Variants in RIMS2 observed in about 807,000 individuals in gnomAD.
RIMS2 encodes the protein regulating synaptic membrane exocytosis 2.
RIMS2 carries 59 observed loss-of-function variants against 174.4 expected under a neutral mutation model. The ratio of observed to expected loss-of-function variants is 0.34; its 90% CI spans 0.27 to 0.42. The LOEUF (loss-of-function observed/expected upper bound fraction) is 0.42. RIMS2 is among the 10% of genes least tolerant of loss of function. The pLI is 1.00. For synonymous variants in RIMS2, 606 were observed against 572.5 expected, an observed-to-expected ratio of 1.06 and a Z score of -0.84; for missense variants, 1,620 against 1,666.3, an observed-to-expected ratio of 0.97 and a Z score of 0.48.
chr8:104,141,197 CAG>C (rs1271346373), intron 19 of RIMS2, among the ~76,000 whole-genome samples: 2 of 152,022 alleles, frequency 1.3e-5, no homozygotes, highest in African/African-American at 2.4e-5. Flanking sequence ...GTGTGATAAA[CAG>C]AGAAACATAT....
chr8:103,503,833 T>C (rs903621747), intron 1 of RIMS2, among the ~76,000 whole-genome samples: 6 of 152,024 alleles, frequency 3.9e-5, no homozygotes, highest in Middle Eastern at 3.2e-3. Context: ...TAGTGAAAGA[T>C]TCATGCTTGA....
intron 4 of RIMS2, among the ~76,000 whole-genome samples, 169 bp downstream of exon 7, chr8:103,886,392 CTGT>C (rs1163238852): frequency 1.3e-5 from 2 of 151,814 alleles, no homozygotes; most frequent in African/African-American, 4.8e-5. Flanking sequence ...AAAGTATCTT[CTGT>C]TGTTCATGTA....
intron 19 of RIMS2, among the ~76,000 whole-genome samples, chr8:104,046,666 A>G (rs931426083): frequency 2.6e-5 from 4 of 152,052 alleles, no homozygotes; most frequent in Admixed American, 2.6e-4. Flanking sequence ...TATCCATTTT[A>G]TAGATACTCT....
rs1419881234 is a variant in RIMS2, at chr8:103,616,360, G to A, written c.177-80726G>A. On this transcript the variant is annotated intron_variant, in intron 1 of 23. Transcript: ENST00000504942. ...ACTCTGAATAAACTAGGAAATGAAA[G>A]AACATAGTTCAAAATAATAATAGCC... Among the ~76,000 whole-genome samples, 4 of 152,230 alleles carry A rather than the reference G, an allele frequency of 2.6e-5. 1 individual carries two copies. The East Asian group carries it at 7.7e-4, about 29-fold the overall frequency.
chr8:103,802,925 C>T (rs996294892), intron 3 of RIMS2, among the ~76,000 whole-genome samples: 2 of 152,094 alleles, frequency 1.3e-5, no homozygotes, highest in Non-Finnish European at 2.9e-5. Context: ...TTTAATTTTC[C>T]AAGGATTCAG....
At chr8:103,674,924 T>C (rs2096789009) in intron 1 of RIMS2, among the ~76,000 whole-genome samples, 2 of 152,230 alleles carry the variant, frequency 1.3e-5, no homozygotes, top group African/African-American at 4.8e-5. Context: ...GTTTCAATAT[T>C]TTAATTTACT....
chr8:104,210,511 C>T (rs951718064), intron 19 of RIMS2, among the ~76,000 whole-genome samples: 1 of 152,150 alleles, frequency 6.6e-6, no homozygotes, highest in Admixed American at 6.5e-5. Context: ...AAAGGAGATT[C>T]TTTTAAATTG....
intron 2 of RIMS2, among the ~76,000 whole-genome samples, chr8:103,755,025 C>A (rs10097397): frequency 2.0e-5 from 3 of 151,916 alleles, no homozygotes; most frequent in Non-Finnish European, 4.4e-5. Context: ...TCATAGTGTC[C>A]ATGGTCTTTA....
At chr8:103,615,803 C>A (rs1313918546) in intron 1 of RIMS2, among the ~76,000 whole-genome samples, 1 of 152,094 alleles carries the variant, frequency 6.6e-6, no homozygotes, top group Non-Finnish European at 1.5e-5. Context: ...ACACATACAC[C>A]CTCCGAAGAC....
chr8:103,592,297 G>T lies in RIMS2; in HGVS notation c.176+91235G>T, dbSNP rs187357612. ...GACAGGGAATAACATAACACCAAGAGTAATGATTCTACAAATAAAACATAT... is the reference window on the plus strand; with the variant it reads ...GACAGGGAATAACATAACACCAAGATTAATGATTCTACAAATAAAACATAT... On this transcript the variant is annotated intron_variant, in intron 1 of 23. Transcript: ENST00000504942. Among the ~76,000 whole-genome samples, 3 of 151,038 alleles carry T rather than the reference G, an allele frequency of 2.0e-5. No individual in the cohort carries two copies. In the East Asian group the frequency reaches 5.8e-4, roughly 29 times the overall value.
chr8:103,615,236 C>A (rs1010975863), intron 1 of RIMS2, among the ~76,000 whole-genome samples: 4 of 152,056 alleles, frequency 2.6e-5, no homozygotes, highest in African/African-American at 9.7e-5. Context: ...GAAAATCGCT[C>A]AAAACCTACA....
chr8:103,743,624 ATATAT>A (rs1392073535), intron 2 of RIMS2, among the ~76,000 whole-genome samples: 2 of 152,144 alleles, frequency 1.3e-5, no homozygotes, highest in Non-Finnish European at 2.9e-5. Flanking sequence ...TATTGTAAAC[ATATAT>A]TAATTTATGC....
At chr8:103,607,673 C>G (rs1284656267) in intron 1 of RIMS2, among the ~76,000 whole-genome samples, 12 of 138,928 alleles carry the variant, frequency 8.6e-5, no homozygotes, top group African/African-American at 3.4e-4. Flanking sequence ...CACATAGTCC[C>G]ATATTTCTTG....
intron 19 of RIMS2, among the ~76,000 whole-genome samples, chr8:104,014,817 A>G (rs2095858286): frequency 6.6e-6 from 1 of 152,144 alleles, no homozygotes; most frequent in Non-Finnish European, 1.5e-5. Context: ...AGGTATCTTT[A>G]TTGCTCTTGC....
intron 3 of RIMS2, among the ~76,000 whole-genome samples, chr8:103,836,158 G>T (rs528438945): frequency 7.0e-4 from 106 of 152,304 alleles, no homozygotes; most frequent in African/African-American, 2.5e-3. Flanking sequence ...GAAATTAATT[G>T]ATCAATTGAT....
At chr8:104,202,356 A>G (rs967033040) in intron 19 of RIMS2, among the ~76,000 whole-genome samples, 2 of 152,218 alleles carry the variant, frequency 1.3e-5, no homozygotes, top group African/African-American at 4.8e-5. Flanking sequence ...GTTTTTTAAA[A>G]TCTTAGAATA....
intron 19 of RIMS2, among the ~76,000 whole-genome samples, chr8:104,092,501 T>G (rs532713857): frequency 1.3e-5 from 2 of 151,904 alleles, no homozygotes; most frequent in African/African-American, 2.4e-5. Flanking sequence ...CATCACCAAG[T>G]TGTAATAATG....
chr8:103,700,066 A>T (rs1279351248), intron 2 of RIMS2, among the ~76,000 whole-genome samples: 2 of 152,152 alleles, frequency 1.3e-5, no homozygotes, highest in Non-Finnish European at 2.9e-5. Context: ...AGAATATTTT[A>T]AAATGCCCAC....
At chr8:103,832,628 A>T (rs2098832914) in intron 3 of RIMS2, among the ~76,000 whole-genome samples, 1 of 152,214 alleles carries the variant, frequency 6.6e-6, no homozygotes, top group South Asian at 2.1e-4. Context: ...TTAAGTGAGA[A>T]CATGAGTATT....
Sources: gnomAD v4.1 joint callset for allele counts (sites outside exome capture counted in the v4.1 genomes callset) on GRCh38, gnomAD v4.1.1 for gene constraint, MANE v1.5 for transcripts, NCBI Gene and HGNC (gene_info 2026-07-23, HGNC 2026-07-21) for gene names.